Variants in DGKB observed in about 807,000 individuals in gnomAD.
DGKB encodes diacylglycerol kinase beta.
Under a neutral mutation model 114.3 loss-of-function variants are expected in DGKB, and 67 were observed. The ratio of observed to expected loss-of-function variants is 0.59; its 90% confidence interval spans 0.48 to 0.72. The LOEUF is 0.72. DGKB is among the 30% of genes least tolerant of loss of function. The pLI is 0.00. For missense variants in DGKB, 907 were observed against 975.2 expected, an observed-to-expected ratio of 0.93 and a Z score of 0.93; for synonymous variants, 398 against 323.1, an observed-to-expected ratio of 1.23 and a Z score of -2.49.
intron 2 of DGKB, among the ~76,000 whole-genome samples, chr7:14,792,279 T>A (rs947570836): frequency 1.3e-5 from 2 of 152,170 alleles, no homozygotes; most frequent in African/African-American, 4.8e-5. Context: ...AATATAATAA[T>A]GAATGTAAGG....
chr7:14,360,962 C>T (rs1372272727), intron 21 of DGKB, among the ~76,000 whole-genome samples: 1 of 151,894 alleles, frequency 6.6e-6, no homozygotes, highest in African/African-American at 2.4e-5. Context: ...TTTTTAGATG[C>T]TATATTTTGT....
intron 20 of DGKB, among the ~76,000 whole-genome samples, chr7:14,516,296 CAA>C (rs1788782730): frequency 6.6e-6 from 1 of 152,082 alleles, no homozygotes; most frequent in Non-Finnish European, 1.5e-5. Context: ...AGTCATTGAA[CAA>C]AGACAAAAAA....
chr7:14,702,423 G>A (rs570908567), intron 6 of DGKB, among the ~76,000 whole-genome samples: 3 of 152,268 alleles, frequency 2.0e-5, no homozygotes, highest in African/African-American at 7.2e-5. Flanking sequence ...GTTTAAATCT[G>A]AGGTGGAGCT....
At chr7:14,161,672 G>T (rs1479698171) in intron 25 of DGKB, among the ~76,000 whole-genome samples, 1 of 151,896 alleles carries the variant, frequency 6.6e-6, no homozygotes, top group African/African-American at 2.4e-5. Flanking sequence ...GTTGGGGGGT[G>T]GGGGGCAAGG....
chr7:14,847,966 A>G (rs775309937), intron 1 of DGKB, among the ~76,000 whole-genome samples: 1 of 152,224 alleles, frequency 6.6e-6, no homozygotes, highest in Non-Finnish European at 1.5e-5. Flanking sequence ...GAAAAATTAA[A>G]AAGAGCTACA....
intron 2 of DGKB, among the ~76,000 whole-genome samples, chr7:14,769,267 A>AAAGAAAGAAAGAAAGAAAGAAAGG (rs1837042761): frequency 1.3e-5 from 1 of 77,594 alleles, no homozygotes; most frequent in South Asian, 4.1e-4. Context: ...AGAAAGAAAG[A>AAAGAAAGAAAGAAAGAAAGAAAGG]AAGAAAGAAA....
intron 25 of DGKB, among the ~76,000 whole-genome samples, chr7:14,163,172 A>C (rs1251201531): frequency 3.9e-5 from 6 of 152,210 alleles, no homozygotes; most frequent in Non-Finnish European, 8.8e-5. Context: ...AATTTTAATT[A>C]GTAGGTGCAA....
At position 14,330,286 on chromosome 7, in the gene DGKB, G is replaced by T. The variant is rs570241234; in HGVS notation, c.2122+8229C>A. Among the ~76,000 whole-genome samples, 106 of 151,760 alleles carry T rather than the reference G, an allele frequency of 7.0e-4. No individual in the cohort carries two copies. The Middle Eastern group carries it at 0.014, about 19-fold the overall frequency. On this transcript the variant is annotated intron_variant, in intron 23 of 25. Transcript: ENST00000402815. Reference sequence around the variant, plus strand: ...ATAAACCATATATTTTTCAAAATGCGACTGGTACTAAAAACTCATTTTTCT... The same window carrying T: ...ATAAACCATATATTTTTCAAAATGCTACTGGTACTAAAAACTCATTTTTCT...
chr7:14,928,149 T>C lies in DGKB; in HGVS notation c.-188+46547A>G, dbSNP rs187553138. 1.5e-4 allele frequency among the ~76,000 whole-genome samples: 23 copies of C among 152,052 alleles called. No homozygotes were observed. In the East Asian group the frequency reaches 4.0e-3, roughly 27 times the overall value. The stretch of plus-strand genomic sequence containing the variant: ...ATGATTTAAGATAAATATGCTAAAA[T>C]ATAGATTCTTTCAACAGATATTTAA... On this transcript the variant is annotated intron_variant, in intron 1 of 4. Transcript: ENST00000437998.
chr7:14,219,630 C>T (rs893798939), intron 23 of DGKB, among the ~76,000 whole-genome samples: 8 of 151,566 alleles, frequency 5.3e-5, no homozygotes, highest in African/African-American at 1.5e-4. Context: ...TGTAATTGGG[C>T]TATTTATTTT....
At chr7:14,545,241 G>C (rs570856169) in intron 20 of DGKB, among the ~76,000 whole-genome samples, 1 of 151,964 alleles carries the variant, frequency 6.6e-6, no homozygotes, top group Non-Finnish European at 1.5e-5. Context: ...GACAACTCGG[G>C]GGAAAAATGA....
rs866262040 is a variant in DGKB at position 14,782,586 on chromosome 7, G to A, written c.71-24855C>T. Among the ~76,000 whole-genome samples the A allele has an allele frequency of 9.2e-5, 14 of 151,938 alleles. No individual in the cohort carries two copies. In the South Asian group the frequency reaches 1.5e-3, roughly 16 times the overall value. On this transcript the variant is annotated intron_variant, in intron 2 of 25. Transcript: ENST00000402815. ...AAAATTCATGGCGAAGGGATCAGAG[G>A]AAAAAGAAGACAAATATTACACCAA...
intron 5 of DGKB, among the ~76,000 whole-genome samples, chr7:14,730,871 A>T (rs144417245): frequency 2.0e-5 from 3 of 152,300 alleles, no homozygotes; most frequent in African/African-American, 4.8e-5. Flanking sequence ...AAGTTTAATT[A>T]AAAAATGCTC....
chr7:14,928,034 G>A (rs778028317), intron 1 of DGKB, among the ~76,000 whole-genome samples: 1 of 151,852 alleles, frequency 6.6e-6, no homozygotes, highest in Non-Finnish European at 1.5e-5. Flanking sequence ...CATGAGAAGT[G>A]TAACTAATGA....
At chr7:14,412,070 T>C (rs1824975628) in intron 21 of DGKB, among the ~76,000 whole-genome samples, 1 of 152,182 alleles carries the variant, frequency 6.6e-6, no homozygotes, top group Non-Finnish European at 1.5e-5. Context: ...GGTATTTCTG[T>C]GTATGGGTCA....
chr7:14,782,409 TG>T (rs947207395), intron 2 of DGKB, among the ~76,000 whole-genome samples: 1 of 152,164 alleles, frequency 6.6e-6, no homozygotes, highest in African/African-American at 2.4e-5. Context: ...TCTTCAACCT[TG>T]GAAAAAAAAC....
At chr7:14,467,781 T>A (rs543670851) in intron 21 of DGKB, among the ~76,000 whole-genome samples, 3 of 152,266 alleles carry the variant, frequency 2.0e-5, no homozygotes, top group South Asian at 4.1e-4. Context: ...AAGAAATGCA[T>A]GAGTAACTAA....
At chr7:14,258,300 T>C (rs1796243132) in intron 23 of DGKB, among the ~76,000 whole-genome samples, 1 of 152,190 alleles carries the variant, frequency 6.6e-6, no homozygotes, top group South Asian at 2.1e-4. Context: ...GTAATCATGC[T>C]TGGAGAAGGT....
At chr7:14,812,624 C>A (rs1038460279) in intron 2 of DGKB, among the ~76,000 whole-genome samples, 1 of 152,146 alleles carries the variant, frequency 6.6e-6, no homozygotes, top group African/African-American at 2.4e-5. Flanking sequence ...TAAGCTACAG[C>A]TCCCAGGGTC....
Sources: allele counts gnomAD v4.1 joint callset (sites outside exome capture counted in the v4.1 genomes callset), GRCh38; gene constraint gnomAD v4.1.1; transcripts MANE v1.5; gene names NCBI Gene and HGNC (gene_info 2026-07-23, HGNC 2026-07-21).